Variants in RAET1G observed in about 807,000 individuals in gnomAD.
The protein encoded by RAET1G is UL-16 binding protein 5.
Under a neutral mutation model 29.5 loss-of-function variants are expected in RAET1G, and 25 were observed. The observed-to-expected ratio is 0.85, with a 90% CI of 0.62 to 1.18. RAET1G has a LOEUF of 1.18. Among genes scored for constraint, RAET1G ranks in the 50% most tolerant of loss-of-function variants. The pLI is 0.00. For missense variants in RAET1G, 434 were observed against 423.6 expected (o/e 1.02, Z -0.22); for synonymous variants, 167 against 159.5 (o/e 1.05, Z -0.36).
At chr6:149,919,392 C>G in intron 2 of RAET1G, 68 bp from the exon 3 acceptor site, 3 of 1,595,474 alleles carry the variant, frequency 1.9e-6, no homozygotes, top group African/African-American at 1.3e-5. Flanking sequence ...CTTCCACTTG[C>G]AATTTCCTGG....
chr6:149,919,173 C>T lies in RAET1G; in HGVS notation c.501G>A (p.Lys167=), dbSNP rs1778531245. 6.2e-7 allele frequency: 1 copy of T among 1,614,210 alleles called. No individual in the cohort carries two copies. The highest frequency in any genetic ancestry group is 8.5e-7 in the Non-Finnish European group (1 of 1,180,036). ...TGTCATTCTCCCACTTTTCTTTCAT[C>T]TTTCTGGCTCCAGGATGAACCGTTG... ...MWTTVHPGAR[K]MKEKWENDKD... The change falls in exon 3 of 5, where the codon AAG becomes AAA. Residue 167 remains lysine, a synonymous_variant. Transcript: ENST00000367360.
rs980837597 is a variant in RAET1G at position 149,920,662 on chromosome 6, C to T, written c.86-846G>A. Among the ~76,000 whole-genome samples the T allele has an allele frequency of 6.6e-5, 10 of 152,030 alleles. No individual in the cohort carries two copies. In the East Asian group the frequency reaches 7.7e-4, roughly 12 times the overall value. Reference sequence around the variant, plus strand: ...CCAGTAGTAATGGGATGAAAAATCCCGAAATAACAGATTCCAGGTGGAGGT... The same window carrying T: ...CCAGTAGTAATGGGATGAAAAATCCTGAAATAACAGATTCCAGGTGGAGGT... On this transcript the variant is annotated intron_variant, in intron 1 of 4. Transcript: ENST00000367360.
At chr6:149,917,831 A>T (rs1315116713) in intron 4 of RAET1G, among the ~76,000 whole-genome samples, 1 of 152,096 alleles carries the variant, frequency 6.6e-6, no homozygotes, top group Non-Finnish European at 1.5e-5. Flanking sequence ...AGGACTGCCC[A>T]TGTCTGAATT....
intron 2 of RAET1G, 27 bp from the exon 3 acceptor site, chr6:149,919,351 C>G (rs755028346): frequency 6.2e-7 from 1 of 1,604,464 alleles, no homozygotes; most frequent in Non-Finnish European, 8.5e-7. Flanking sequence ...GAGATCAGCT[C>G]TGGCCTTGAC....
chr6:149,922,603 C>A (rs1352105602), intron 1 of RAET1G, among the ~76,000 whole-genome samples: 1 of 152,122 alleles, frequency 6.6e-6, no homozygotes, highest in Admixed American at 6.5e-5. Context: ...TCTGGGGGCT[C>A]TGGTTTCTCC....
chr6:149,918,527 T>A, intron 3 of RAET1G, 143 bp from the exon 4 acceptor site: 1 of 999,148 alleles, frequency 1.0e-6, no homozygotes, highest in Non-Finnish European at 1.5e-6. Context: ...GGAGAGTTCC[T>A]GGGGTAGGAA....
At position 149,918,411 on chromosome 6, in the gene RAET1G, C is replaced by G. The variant is rs147947988; in HGVS notation, c.632-27G>C. ...TGAAATGGAAGCACAAGAGTGACAA[C>G]CCTTGTCCAGGCCCCAAATCTGAGG... On this transcript the variant is annotated intron_variant, in intron 3 of 4. Coordinates refer to ENST00000367360, the MANE Select transcript of RAET1G (RefSeq NM_001001788.4). 2.3e-4 allele frequency: 363 copies of G among 1,610,042 alleles called. 2 individuals are homozygous for G. The African/African-American group carries it at 4.3e-3, about 19-fold the overall frequency.
At position 149,919,120 on chromosome 6, in the gene RAET1G, A is replaced by T. The variant is rs778144513; in HGVS notation, c.554T>A (p.Ile185Asn). Residue 185 changes from isoleucine to asparagine, a missense_variant, in exon 3 of 5, where the codon ATC (isoleucine) becomes AAC (asparagine). By Grantham distance (149) the Ile-to-Asn change is moderately radical. Coordinates refer to ENST00000367360, the MANE Select transcript of RAET1G (RefSeq NM_001001788.4). Reference protein sequence around the residue: ...DKDMTMSFHYISMGDCTGWLE... With the variant: ...DKDMTMSFHYNSMGDCTGWLE... ...CCATCCTGTGCAGTCTCCCATTGAG[A>T]TGTAATGGAAGGACATGGTCATATC... The T allele has an allele frequency of 1.9e-6, 3 of 1,614,030 alleles. No homozygotes were observed. The highest frequency in any genetic ancestry group is 2.7e-5 in the African/African-American group (2 of 74,908).
Position 149,919,279 on chromosome 6 carries a change from T to C in RAET1G, c.395A>G (p.Glu132Gly), listed in dbSNP as rs184775357. The C allele has an allele frequency of 5.2e-5, 84 of 1,614,208 alleles. No individual in the cohort carries two copies. In the African/African-American group the frequency reaches 1.0e-3, roughly 20 times the overall value. ...QARMSCEQKAEGHGSGSWQLS... is the reference protein window; with the variant it reads ...QARMSCEQKAGGHGSGSWQLS... ...CTGCCAAGATCCACTGCCGTGTCCT[T>C]CGGCTTTCTGCTCACAAGACATCCT... The change falls in exon 3 of 5, where the codon GAA (glutamate) becomes GGA (glycine). Residue 132 changes from glutamate to glycine, a missense_variant. Coordinates refer to ENST00000367360, the MANE Select transcript of RAET1G (RefSeq NM_001001788.4).
chr6:149,922,043 C>A (rs1778610173), intron 1 of RAET1G, among the ~76,000 whole-genome samples: 1 of 152,116 alleles, frequency 6.6e-6, no homozygotes, highest in Admixed American at 6.5e-5. Flanking sequence ...GTTTGCTGAC[C>A]CCTGTCTACA....
chr6:149,918,147 G>T, intron 4 of RAET1G, 27 bp downstream of exon 4: 3 of 1,602,346 alleles, frequency 1.9e-6, no homozygotes, highest in Non-Finnish European at 2.6e-6. Context: ...CCTGCCCTTT[G>T]CTCCACTCCC....
At chr6:149,922,594 C>A (rs907376936) in intron 1 of RAET1G, among the ~76,000 whole-genome samples, 1 of 152,118 alleles carries the variant, frequency 6.6e-6, no homozygotes, top group African/African-American at 2.4e-5. Flanking sequence ...AGCTCGGATT[C>A]TGGGGGCTCT....
Position 149,919,601 on chromosome 6 carries a change from G to A in RAET1G, c.301C>T (p.Leu101Phe). 6.2e-7 allele frequency: 1 copy of A among 1,614,034 alleles called. No individual in the cohort carries two copies. The highest frequency in any genetic ancestry group is 8.5e-7 in the Non-Finnish European group (1 of 1,179,882). Residue 101 changes from leucine (L) to phenylalanine (F), a missense_variant, in exon 2 of 5, where the codon CTT becomes TTT. By Grantham distance (22) the Leu-to-Phe change is conservative. Transcript: ENST00000367360. Reference sequence around the variant, plus strand: ...TGAATGTCAAGCAGTTGCTCTGTAAGTATGTCCACCACCTCTCTCAGTACT... The same window carrying A: ...TGAATGTCAAGCAGTTGCTCTGTAAATATGTCCACCACCTCTCTCAGTACT... The part of the protein sequence containing the change: ...NPVLREVVDI[L>F]TEQLLDIQLE...
At chr6:149,919,450 G>C in intron 2 of RAET1G, 103 bp downstream of exon 2, 3 of 1,610,546 alleles carry the variant, frequency 1.9e-6, no homozygotes, top group Non-Finnish European at 8.5e-7. Flanking sequence ...ACGTCTTGCG[G>C]GGTGAGATGA....
rs1778525962 is a variant in RAET1G at position 149,919,050 on chromosome 6, A to G, written c.624T>C (p.Ser208=). 5.0e-6 allele frequency: 8 copies of G among 1,613,810 alleles called. No individual in the cohort carries two copies. The highest frequency in any genetic ancestry group is 6.8e-6 in the Non-Finnish European group (8 of 1,179,940). ...TTCTTTTTCTCCTGTTACCTCCTGC[A>G]CTTGGCTCCAGGGTGCTGTCCATGC... ...LMGMDSTLEP[S]AGAPPTMSSG... The change falls in exon 3 of 5, where the codon AGT becomes AGC. Residue 208 remains serine, a synonymous_variant. Coordinates refer to ENST00000367360, the MANE Select transcript of RAET1G (RefSeq NM_001001788.4).
At chr6:149,922,321 C>G (rs768137564) in intron 1 of RAET1G, among the ~76,000 whole-genome samples, 1 of 152,048 alleles carries the variant, frequency 6.6e-6, no homozygotes, top group Non-Finnish European at 1.5e-5. Context: ...GGGTGACCAG[C>G]TGGGCTGAGG....
Position 149,919,564 on chromosome 6 carries a change from T to C in RAET1G, c.338A>G (p.Tyr113Cys), listed in dbSNP as rs772398198. The C allele has an allele frequency of 5.6e-6, 9 of 1,613,922 alleles. No homozygotes were observed. Among genetic ancestry groups the C allele is most frequent in the Non-Finnish European group, 7.6e-6 (9 of 1,179,878 alleles). Residue 113 changes from tyrosine (Y) to cysteine (C), a missense_variant, in exon 2 of 5, where the codon TAC (tyrosine) becomes TGC (cysteine). Tyr to Cys is a radical substitution (Grantham distance 194). Coordinates refer to ENST00000367360, the MANE Select transcript of RAET1G (RefSeq NM_001001788.4). Reference sequence around the variant, plus strand: ...CATCTGAAACTTACCCTTGGGTATGTAATTCTCCAGCTGAATGTCAAGCAG... The same window carrying C: ...CATCTGAAACTTACCCTTGGGTATGCAATTCTCCAGCTGAATGTCAAGCAG... ...EQLLDIQLEN[Y>C]IPKEPLTLQA...
intron 4 of RAET1G, among the ~76,000 whole-genome samples, chr6:149,917,704 T>C (rs1252928206): frequency 6.6e-6 from 1 of 152,238 alleles, no homozygotes; most frequent in Non-Finnish European, 1.5e-5. Context: ...GTCTCTTGCC[T>C]TGGCACCTGG....
chr6:149,917,120 T>A (rs1050967720), intron 4 of RAET1G, 46 bp from the exon 5 acceptor site: 1 of 1,492,382 alleles, frequency 6.7e-7, no homozygotes, highest in Non-Finnish European at 8.9e-7. Context: ...GTTTCTTCTA[T>A]GTATTTCTCG....
Sources: gnomAD v4.1 joint callset for allele counts (sites outside exome capture counted in the v4.1 genomes callset) on GRCh38, gnomAD v4.1.1 for gene constraint, MANE v1.5 for transcripts, NCBI Gene and HGNC (gene_info 2026-07-23, HGNC 2026-07-21) for gene names.